Variants in PLXNA4 observed in about 807,000 individuals in gnomAD.
PLXNA4 encodes plexin-A4.
A neutral mutation model predicts 191.8 loss-of-function variants in PLXNA4; 44 were observed. The ratio of observed to expected loss-of-function variants is 0.23; its 90% CI spans 0.18 to 0.29. The LOEUF (loss-of-function observed/expected upper bound fraction) is 0.29, where lower values mean the gene tolerates loss of function less well. Ranked by LOEUF, PLXNA4 falls within the 10% of genes least tolerant of loss-of-function variation. PLXNA4 has a pLI of 1.00. For missense variants in PLXNA4, 1,800 were observed against 2,488.8 expected, an observed-to-expected ratio of 0.72 and a Z score of 5.89; for synonymous variants, 1,082 against 1,009.5, an observed-to-expected ratio of 1.07 and a Z score of -1.36.
intron 2 of PLXNA4, among the ~76,000 whole-genome samples, chr7:132,504,196 AG>A (rs995200289): frequency 2.0e-5 from 3 of 152,246 alleles, no homozygotes; most frequent in Non-Finnish European, 2.9e-5. Context: ...GCAGGTCAGC[AG>A]GTTCTACCCC....
intron 3 of PLXNA4, among the ~76,000 whole-genome samples, chr7:132,315,474 G>C (rs1801907708): frequency 6.6e-6 from 1 of 152,182 alleles, no homozygotes; most frequent in Non-Finnish European, 1.5e-5. Flanking sequence ...TCCAGTGAGG[G>C]AAGGAGGATG....
intron 2 of PLXNA4, among the ~76,000 whole-genome samples, chr7:132,641,030 A>G (rs1377542082): frequency 6.6e-6 from 1 of 152,170 alleles, no homozygotes; most frequent in East Asian, 1.9e-4. Context: ...ATGAGGCTGT[A>G]TTTTCTAAAA....
At chr7:132,243,261 T>C (rs572332499) in intron 4 of PLXNA4, among the ~76,000 whole-genome samples, 24 of 152,350 alleles carry the variant, frequency 1.6e-4, no homozygotes, top group Admixed American at 9.1e-4. Context: ...TTTCATATGT[T>C]CCAGCTGCTT....
intron 1 of PLXNA4, among the ~76,000 whole-genome samples, chr7:132,516,343 A>G (rs1448116180): frequency 6.6e-6 from 1 of 152,094 alleles, no homozygotes; most frequent in Non-Finnish European, 1.5e-5. Context: ...TCTTTCGTAT[A>G]TGATTTACAT....
intron 2 of PLXNA4, among the ~76,000 whole-genome samples, chr7:132,583,183 C>T (rs1802439285): frequency 6.6e-6 from 1 of 152,198 alleles, no homozygotes; most frequent in Non-Finnish European, 1.5e-5. Context: ...TGGCACCTGC[C>T]TCTGCCAGAG....
chr7:132,473,549 C>T (rs1257879732), intron 3 of PLXNA4, among the ~76,000 whole-genome samples: 1 of 152,210 alleles, frequency 6.6e-6, no homozygotes, highest in Non-Finnish European at 1.5e-5. Flanking sequence ...GAAATAAATA[C>T]ATTTCTAAAT....
intron 4 of PLXNA4, among the ~76,000 whole-genome samples, chr7:132,248,490 GA>G (rs1442443961): frequency 1.3e-5 from 2 of 152,236 alleles, no homozygotes; most frequent in African/African-American, 4.8e-5. Context: ...GTGAAAGGTA[GA>G]GGGGAGAGGT....
rs749826362 is a variant in PLXNA4, at chr7:132,228,406, C to T, written c.1668G>A (p.Lys556=). ...KEPRRFASEM[K]QCVRLTVHPN... ...GATGGACCGTCAGCCGGACACACTG[C>T]TTCATCTCCGAGGCAAACCTGCGGG... Residue 556 remains lysine, a synonymous_variant, in exon 6 of 32, where the codon AAG becomes AAA. Coordinates refer to ENST00000321063, the MANE Select transcript of PLXNA4 (RefSeq NM_020911.2). The T allele has an allele frequency of 6.8e-6, 11 of 1,614,080 alleles. No individual in the cohort carries two copies. Among genetic ancestry groups the T allele is most frequent in the South Asian group, 6.6e-5 (6 of 91,082 alleles).
rs145569840 is a variant in PLXNA4, at chr7:132,164,190, G to A, written c.4452C>T (p.Ser1484=). 1.1e-3 allele frequency: 1,723 copies of A among 1,614,238 alleles called. 18 individuals are homozygous for A. The African/African-American group carries it at 0.02, about 19-fold the overall frequency. Residue 1484 remains serine, a synonymous_variant, in exon 24 of 32, where the codon TCC becomes TCT. Coordinates refer to ENST00000321063, the MANE Select transcript of PLXNA4 (RefSeq NM_020911.2). ...GGCGGATGAGCTTGTCCTCGCTCAAGGAGTAGCGGGCCTCGCCCGTGATGG... is the reference window on the plus strand; with the variant it reads ...GGCGGATGAGCTTGTCCTCGCTCAAAGAGTAGCGGGCCTCGCCCGTGATGG... ...IDAITGEARY[S]LSEDKLIRQQ...
In PLXNA4 at chr7:132,145,113, A is replaced by G; in HGVS notation, c.5225+6T>C. The G allele has an allele frequency of 6.2e-7, 1 of 1,613,838 alleles. No homozygotes were observed. The highest frequency in any genetic ancestry group is 8.5e-7 in the Non-Finnish European group (1 of 1,179,926). On this transcript the variant is annotated splice_donor_region_variant and intron_variant, in intron 29 of 31. Coordinates refer to ENST00000321063, the MANE Select transcript of PLXNA4 (RefSeq NM_020911.2). ...CCGATGTGCCCCCTGCCCTCCCTTC[A>G]CTCACCAATTGCTCTTCCAGGTATG... is the stretch of plus-strand genomic sequence containing the variant.
At position 132,244,173 on chromosome 7, in the gene PLXNA4, T is replaced by C. The variant is rs148551695; in HGVS notation, c.1504-3007A>G. Among the ~76,000 whole-genome samples, 543 of 152,268 alleles carry C rather than the reference T, an allele frequency of 3.6e-3. 10 individuals are homozygous for C. Among genetic ancestry groups the C allele is most frequent in the African/African-American group, 0.012 (510 of 41,562 alleles). ...TGCCCCCCAGTTTCCTGGGTAAACT[T>C]GGACAAGTCTCTCCTGGGCTTCTTT... is the stretch of plus-strand genomic sequence containing the variant. On this transcript the variant is annotated intron_variant, in intron 4 of 31. Transcript: ENST00000321063.
rs185571041 is a variant in PLXNA4 at position 132,447,036 on chromosome 7, G to C, written c.1371+42256C>G. Among the ~76,000 whole-genome samples, 17 of 152,060 alleles carry C rather than the reference G, an allele frequency of 1.1e-4. No individual in the cohort carries two copies. The South Asian group carries it at 1.7e-3, about 15-fold the overall frequency. ...TGTTATATTAGAATTGCAAACAAAT[G>C]CTCTCATTTCATCCTCCTATCCCCT... On this transcript the variant is annotated intron_variant, in intron 3 of 31. Transcript: ENST00000321063.
intron 3 of PLXNA4, among the ~76,000 whole-genome samples, chr7:132,394,758 C>T (rs565364054): frequency 2.9e-4 from 44 of 152,344 alleles, no homozygotes; most frequent in African/African-American, 1.1e-3. Context: ...CACTTTTTCC[C>T]ACTGTCCTTG....
chr7:132,526,920 T>C (rs1799423158), intron 1 of PLXNA4, among the ~76,000 whole-genome samples: 1 of 152,156 alleles, frequency 6.6e-6, no homozygotes, highest in African/African-American at 2.4e-5. Flanking sequence ...CAATGGGTGT[T>C]AAACAGGGCC....
At chr7:132,195,761 G>A (rs1203329689) in intron 13 of PLXNA4, among the ~76,000 whole-genome samples, 1 of 152,216 alleles carries the variant, frequency 6.6e-6, no homozygotes, top group East Asian at 1.9e-4. Context: ...CTTTCTTGCT[G>A]ATAGATTGTC....
intron 3 of PLXNA4, among the ~76,000 whole-genome samples, chr7:132,305,952 A>T (rs1450447342): frequency 6.6e-6 from 1 of 152,100 alleles, no homozygotes; most frequent in Non-Finnish European, 1.5e-5. Context: ...GTGGGCTCTT[A>T]TCCAACAGGC....
At chr7:132,383,307 A>G (rs1376134906) in intron 3 of PLXNA4, among the ~76,000 whole-genome samples, 2 of 152,240 alleles carry the variant, frequency 1.3e-5, no homozygotes, top group African/African-American at 2.4e-5. Flanking sequence ...ATTTCAAAGC[A>G]TCTTCACCCT....
rs1378466142 is a variant in PLXNA4, at chr7:132,130,499, G to C, written c.5665C>G (p.Leu1889Val). The part of the protein sequence containing the change: ...LAYKLEQVIT[L>V]MSLDS ...GGTTCTCAGCTGTCTAAGCTCATGA[G>C]GGTTATGACTTGTTCTAGTTTGTAG... The change falls in exon 32 of 32, where the codon CTC (leucine) becomes GTC (valine). Residue 1889 changes from leucine to valine, a missense_variant. By Grantham distance (32) the Leu-to-Val change is conservative (BLOSUM62 1). Around this residue, in one of 6 missense-constraint regions of PLXNA4, gnomAD observed 83 missense variants for 81.6 expected, o/e 1.02. Coordinates refer to ENST00000321063, the MANE Select transcript of PLXNA4 (RefSeq NM_020911.2). 1 of 1,614,064 alleles carries C rather than the reference G, an allele frequency of 6.2e-7. No homozygotes were observed. The highest frequency in any genetic ancestry group is 8.5e-7 in the Non-Finnish European group (1 of 1,180,036).
chr7:132,247,884 C>T (rs911659621), intron 4 of PLXNA4, among the ~76,000 whole-genome samples: 1 of 152,210 alleles, frequency 6.6e-6, no homozygotes, highest in East Asian at 1.9e-4. Context: ...TATTTCTGAA[C>T]CTGGCTAACA....
Sources: gnomAD v4.1 joint callset for allele counts (sites outside exome capture counted in the v4.1 genomes callset) on GRCh38, gnomAD v4.1.1 for gene constraint, gnomAD v4.1.1 regional missense constraint, MANE v1.5 for transcripts, NCBI Gene and HGNC (gene_info 2026-07-23, HGNC 2026-07-21) for gene names.